The following BTBD9 variants were observed in gnomAD, a reference collection of about 807,000 sequenced individuals.
The protein encoded by BTBD9 is BTB domain containing 9.
In BTBD9, 49 loss-of-function variants were observed where a neutral mutation model predicts 64.3. That is an observed-to-expected ratio of 0.76 (90% CI 0.61 to 0.97). The LOEUF (loss-of-function observed/expected upper bound fraction) is 0.97, where lower values mean the gene tolerates loss of function less well. Ranked by LOEUF, BTBD9 falls within the 50% of genes least tolerant of loss-of-function variation. BTBD9 has a pLI of 0.00. For synonymous variants in BTBD9, 260 were observed against 274.7 expected, an observed-to-expected ratio of 0.95 and a Z score of 0.53; for missense variants, 598 against 762.1, an observed-to-expected ratio of 0.78 and a Z score of 2.53.
At chr6:38,542,302 T>A (rs1199677456) in intron 6 of BTBD9, among the ~76,000 whole-genome samples, 4 of 152,198 alleles carry the variant, frequency 2.6e-5, no homozygotes, top group African/African-American at 9.6e-5. Context: ...ACCCACAGTA[T>A]GTCTTTTTTC....
chr6:38,282,395 G>C (rs543812990), intron 8 of BTBD9, among the ~76,000 whole-genome samples: 1 of 152,292 alleles, frequency 6.6e-6, no homozygotes, highest in South Asian at 2.1e-4. Flanking sequence ...AAATGCAAGA[G>C]ACGAAAGAGC....
intron 9 of BTBD9, among the ~76,000 whole-genome samples, chr6:38,207,952 C>T (rs1762713404): frequency 6.6e-6 from 1 of 151,858 alleles, no homozygotes; most frequent in Admixed American, 6.6e-5. Context: ...TTACTTCACT[C>T]TCAAAACTGT....
intron 1 of BTBD9, among the ~76,000 whole-genome samples, chr6:38,633,500 T>A (rs887028478): frequency 6.6e-6 from 1 of 152,258 alleles, no homozygotes; most frequent in Non-Finnish European, 1.5e-5. Flanking sequence ...TTTGCTTATA[T>A]GCATTATGCA....
In BTBD9 at chr6:38,172,935, G is replaced by T. The variant is rs1404921483; in HGVS notation, c.*2050C>A. On this transcript the variant is annotated 3_prime_UTR_variant, in exon 11 of 11. Coordinates refer to ENST00000481247, the MANE Select transcript of BTBD9 (RefSeq NM_001099272.2). ...GTGGGCAGGGGACTGGAGGGTTGCA[G>T]ATGCAGGGCCGGGCAGCTCCTCCAG... is the stretch of plus-strand genomic sequence containing the variant. 1 of 152,316 alleles carries T rather than the reference G, an allele frequency of 6.6e-6. No homozygotes were observed. The highest frequency in any genetic ancestry group is 1.5e-5 in the Non-Finnish European group (1 of 68,096). 9.4% of individuals were successfully genotyped at this position (152,316 alleles called of 1,614,324 possible).
chr6:38,347,271 T>A, intron 6 of BTBD9, among the ~76,000 whole-genome samples: 1 of 152,202 alleles, frequency 6.6e-6, no homozygotes, highest in East Asian at 1.9e-4. Flanking sequence ...GTATTTGTGA[T>A]CACAAACAAA....
chr6:38,427,852 G>T (rs140801531), intron 6 of BTBD9, among the ~76,000 whole-genome samples: 1 of 152,056 alleles, frequency 6.6e-6, no homozygotes, highest in Non-Finnish European at 1.5e-5. Flanking sequence ...CCTGTACTGT[G>T]TTAACTAGAG....
intron 9 of BTBD9, among the ~76,000 whole-genome samples, chr6:38,198,849 A>G (rs1762358180): frequency 6.6e-6 from 1 of 152,212 alleles, no homozygotes; most frequent in Admixed American, 6.5e-5. Flanking sequence ...ATGACCACAA[A>G]ACAAAGAGGA....
intron 6 of BTBD9, among the ~76,000 whole-genome samples, chr6:38,376,365 T>C (rs1765697010): frequency 6.6e-6 from 1 of 152,076 alleles, no homozygotes; most frequent in South Asian, 2.1e-4. Flanking sequence ...TATATATTAA[T>C]GTGGTAGGAA....
chr6:38,267,589 T>C (rs1765054955), intron 8 of BTBD9, among the ~76,000 whole-genome samples: 1 of 152,200 alleles, frequency 6.6e-6, no homozygotes, highest in South Asian at 2.1e-4. Context: ...GCATGGCTAA[T>C]GACCTTGGTA....
chr6:38,330,539 T>G (rs1331416971), intron 7 of BTBD9, among the ~76,000 whole-genome samples: 5 of 151,906 alleles, frequency 3.3e-5, no homozygotes, highest in Admixed American at 3.3e-4. Context: ...TAAAATACCG[T>G]CAAATTATTA....
At chr6:38,476,287 C>T (rs1193629573) in intron 6 of BTBD9, among the ~76,000 whole-genome samples, 2 of 152,304 alleles carry the variant, frequency 1.3e-5, no homozygotes, top group Admixed American at 6.5e-5. Context: ...TGTAAGGCTA[C>T]ATCTTCCCTT....
intron 9 of BTBD9, among the ~76,000 whole-genome samples, chr6:38,243,577 G>A (rs975544614): frequency 7.9e-5 from 12 of 152,092 alleles, no homozygotes; most frequent in African/African-American, 2.9e-4. Context: ...AGATGAAAGG[G>A]TATAACAGAA....
At chr6:38,380,845 T>C (rs917152255) in intron 6 of BTBD9, among the ~76,000 whole-genome samples, 2 of 152,038 alleles carry the variant, frequency 1.3e-5, no homozygotes, top group African/African-American at 4.8e-5. Flanking sequence ...ACCCTGTCTC[T>C]ACAAAGGAAA....
intron 8 of BTBD9, among the ~76,000 whole-genome samples, chr6:38,284,856 G>A (rs1380398234): frequency 6.6e-6 from 1 of 152,166 alleles, no homozygotes; most frequent in East Asian, 1.9e-4. Context: ...GAGGTAATGA[G>A]AAGGTAGTGA....
intron 6 of BTBD9, among the ~76,000 whole-genome samples, chr6:38,537,752 C>T (rs1249706781): frequency 2.6e-5 from 4 of 152,108 alleles, no homozygotes; most frequent in African/African-American, 4.8e-5. Flanking sequence ...ACATGGCTAC[C>T]GAACTTAAGA....
At chr6:38,301,418 T>C (rs1762398617) in intron 7 of BTBD9, among the ~76,000 whole-genome samples, 1 of 152,152 alleles carries the variant, frequency 6.6e-6, no homozygotes. Context: ...TTGATTGGAG[T>C]AGTTTCAGAA....
At chr6:38,582,860 A>G (rs1176595455) in intron 4 of BTBD9, among the ~76,000 whole-genome samples, 1 of 152,198 alleles carries the variant, frequency 6.6e-6, no homozygotes, top group Non-Finnish European at 1.5e-5. Context: ...CAGATAATAT[A>G]TGCTAAAGTA....
intron 6 of BTBD9, among the ~76,000 whole-genome samples, chr6:38,393,067 G>A (rs879778866): frequency 6.6e-6 from 1 of 151,956 alleles, no homozygotes; most frequent in South Asian, 2.1e-4. Context: ...GTAGAGACAG[G>A]GTTTCGCCAT....
chr6:38,582,971 C>T (rs531540938), intron 4 of BTBD9, among the ~76,000 whole-genome samples: 8 of 152,304 alleles, frequency 5.3e-5, no homozygotes, highest in Non-Finnish European at 1.2e-4. Context: ...TTAGTGAACT[C>T]GACAGAGATA....
Sources: gnomAD v4.1 joint callset for allele counts (sites outside exome capture counted in the v4.1 genomes callset) on GRCh38, gnomAD v4.1.1 for gene constraint, MANE v1.5 for transcripts, NCBI Gene and HGNC (gene_info 2026-07-23, HGNC 2026-07-21) for gene names.